The following UHRF1 variants were observed in gnomAD, a reference collection of about 807,000 sequenced individuals.
The protein encoded by UHRF1 is E3 ubiquitin-protein ligase UHRF1.
In UHRF1, 9 loss-of-function variants were observed where a neutral mutation model predicts 96.5. The ratio of observed to expected loss-of-function variants is 0.09; its 90% CI spans 0.06 to 0.16. The LOEUF (loss-of-function observed/expected upper bound fraction) is 0.16. Among genes scored for constraint, UHRF1 ranks in the 10% least tolerant of loss-of-function variants. The pLI is 1.00. For missense variants in UHRF1, 626 were observed against 1,131.1 expected (o/e 0.55, Z 6.40); for synonymous variants, 455 against 469.9 (o/e 0.97, Z 0.41).
chr19:4,926,298 C>T (rs1356411421), intron 2 of UHRF1, among the ~76,000 whole-genome samples: 1 of 152,162 alleles, frequency 6.6e-6, no homozygotes, highest in African/African-American at 2.4e-5. Flanking sequence ...GCCTCTTCCT[C>T]TCCATCCGTG....
chr19:4,905,770 G>T (rs533635061), upstream of UHRF1, among the ~76,000 whole-genome samples: 1 of 152,206 alleles, frequency 6.6e-6, no homozygotes, highest in Admixed American at 6.5e-5. Context: ...GCCTGCCTTG[G>T]CCTCCCAAAG....
At chr19:4,915,206 G>A (rs978147955) in intron 2 of UHRF1, among the ~76,000 whole-genome samples, 5 of 152,230 alleles carry the variant, frequency 3.3e-5, no homozygotes, top group South Asian at 2.1e-4. Flanking sequence ...CCCACTGGAC[G>A]GCCCCCTTGC....
chr19:4,946,944 C>G (rs925998672), intron 10 of UHRF1, among the ~76,000 whole-genome samples, 161 bp from the exon 11 acceptor site: 1 of 152,092 alleles, frequency 6.6e-6, no homozygotes, highest in Non-Finnish European at 1.5e-5. Context: ...GTAGTCCCAC[C>G]AACAGTTTAC....
intron 15 of UHRF1, among the ~76,000 whole-genome samples, chr19:4,956,088 C>A (rs903960075): frequency 1.3e-5 from 2 of 152,112 alleles, no homozygotes; most frequent in Non-Finnish European, 2.9e-5. Flanking sequence ...GCACCCACCA[C>A]GCCTGGCTAA....
chr19:4,947,519 T>TTTTTTTTTTTTTG (rs1568428019), intron 11 of UHRF1, among the ~76,000 whole-genome samples: 2 of 132,128 alleles, frequency 1.5e-5, no homozygotes, highest in African/African-American at 2.9e-5. Context: ...TTTTTTTTTT[T>TTTTTTTTTTTTTG]GGGCAGAGTC....
At chr19:4,911,088 CCT>C in intron 2 of UHRF1, 50 bp downstream of exon 2, 1 of 1,448,928 alleles carries the variant, frequency 6.9e-7, no homozygotes. Context: ...AGGCCTCGCG[CCT>C]CTGCAGCCAC....
intron 9 of UHRF1, 85 bp from the exon 10 acceptor site, chr19:4,945,776 T>TC: frequency 1.7e-6 from 2 of 1,177,672 alleles, no homozygotes; most frequent in South Asian, 1.3e-5. Flanking sequence ...CGCTGGCTGC[T>TC]CGGGGTAGGG....
In UHRF1 at chr19:4,929,183, T is replaced by C. The variant is rs765075456; in HGVS notation, c.154-39T>C. 3.8e-6 allele frequency: 6 copies of C among 1,587,222 alleles called. No homozygotes were observed. The East Asian group carries it at 1.3e-4, about 36-fold the overall frequency. On this transcript the variant is annotated intron_variant, in intron 2 of 16. Coordinates refer to ENST00000650932, the MANE Select transcript of UHRF1 (RefSeq NM_001048201.3). ...GTGCCCACAGATGCCCACTTGGCAT[T>C]TGGTGGCTAAACAGCGTCTGCCTCT...
Position 4,941,616 on chromosome 19 carries a change from A to G in UHRF1, c.874A>G (p.Asn292Asp), listed in dbSNP as rs767695275. The change falls in exon 6 of 17, where the codon AAC becomes GAC. Residue 292 changes from asparagine to aspartate, a missense_variant. Physicochemically the swap from Asn to Asp is conservative, Grantham distance 23 (BLOSUM62 1). Coordinates refer to ENST00000650932, the MANE Select transcript of UHRF1 (RefSeq NM_001048201.3). ...GGGTGAAGGGAGCCCCATGGTTGACAACCCCATGAGACGTGAGTTCTGAGC... is the reference window on the plus strand; with the variant it reads ...GGGTGAAGGGAGCCCCATGGTTGACGACCCCATGAGACGTGAGTTCTGAGC... ...RPGEGSPMVD[N>D]PMRRKSGPSC... The G allele has an allele frequency of 6.2e-7, 1 of 1,613,374 alleles. No individual in the cohort carries two copies.
intron 4 of UHRF1, among the ~76,000 whole-genome samples, chr19:4,931,224 A>G (rs2033041578): frequency 6.6e-6 from 1 of 152,134 alleles, no homozygotes; most frequent in Non-Finnish European, 1.5e-5. Flanking sequence ...TTTACTGGGC[A>G]CTTCCTACCT....
Position 4,930,608 on chromosome 19 carries a change from C to T in UHRF1, c.409-108C>T, listed in dbSNP as rs886691964. 13 of 1,363,588 alleles carry T rather than the reference C, an allele frequency of 9.5e-6. No individual in the cohort carries two copies. The highest frequency in any genetic ancestry group is 2.9e-5 in the African/African-American group (2 of 69,374). The allele number at this position is 1,363,588 out of a possible 1,614,324, so 84.5% of individuals were successfully genotyped here. A position where few individuals can be genotyped will look rare whatever the true frequency, so the allele number is the denominator to read the frequency against. The stretch of plus-strand genomic sequence containing the variant: ...GAGGAGAAACCTCGCTGTGGGCATT[C>T]GAGTTTGCGCCCTGGTTCCAGAGCA... On this transcript the variant is annotated intron_variant, in intron 3 of 16. Coordinates refer to ENST00000650932, the MANE Select transcript of UHRF1 (RefSeq NM_001048201.3). The surrounding 1 kb of genome is among the most constrained non-coding windows in gnomAD (Gnocchi z 4.4).
chr19:4,907,994 G>A (rs2032104830), upstream of UHRF1, among the ~76,000 whole-genome samples: 2 of 152,108 alleles, frequency 1.3e-5, no homozygotes, highest in Admixed American at 1.3e-4. Context: ...TTACAGGTGT[G>A]AGCCAACGCG....
intron 11 of UHRF1, among the ~76,000 whole-genome samples, chr19:4,948,318 G>A (rs935974863): frequency 6.6e-5 from 10 of 151,856 alleles, no homozygotes; most frequent in South Asian, 4.1e-4. Flanking sequence ...GGATGGGGGC[G>A]GACTTTTCCA....
At chr19:4,905,443 T>C (rs1478743065), upstream of UHRF1, among the ~76,000 whole-genome samples, 1 of 151,256 alleles carries the variant, frequency 6.6e-6, no homozygotes, top group Non-Finnish European at 1.5e-5. Context: ...TCTTAAAACA[T>C]TATGAGATTT....
chr19:4,942,605 C>T (rs1452510375), intron 7 of UHRF1, among the ~76,000 whole-genome samples: 10 of 152,078 alleles, frequency 6.6e-5, no homozygotes, highest in African/African-American at 1.9e-4. Context: ...CCTGCCACCA[C>T]ATCCGGCTAA....
chr19:4,944,157 G>T lies in UHRF1; in HGVS notation c.1099G>T (p.Ala367Ser), dbSNP rs1339084998. Reference protein sequence around the residue: ...EWYCPECRNDASEVVLAGERL... With the variant: ...EWYCPECRNDSSEVVLAGERL... ...GTACTGCCCTGAGTGCCGGAATGAT[G>T]CCAGCGAGGTGGTACTGGCGGGAGA... Residue 367 changes from alanine (A) to serine (S), a missense_variant, in exon 8 of 17, where the codon GCC (alanine) becomes TCC (serine). By Grantham distance (99) the Ala-to-Ser change is moderately conservative. This residue lies in a region of UHRF1 where 69 missense variants were observed against 159.8 expected (regional missense o/e 0.43). Coordinates refer to ENST00000650932, the MANE Select transcript of UHRF1 (RefSeq NM_001048201.3). The T allele has an allele frequency of 6.2e-7, 1 of 1,613,862 alleles. No individual in the cohort carries two copies. The highest frequency in any genetic ancestry group is 1.3e-5 in the African/African-American group (1 of 74,946).
chr19:4,941,970 C>T (rs1186726324), intron 7 of UHRF1, 39 bp downstream of exon 7: 1 of 1,442,736 alleles, frequency 6.9e-7, no homozygotes, highest in Admixed American at 2.9e-5. Flanking sequence ...GACCAGAGCG[C>T]CCCCTACAAA....
At chr19:4,956,949 C>T (rs2145221784) in intron 16 of UHRF1, 136 bp downstream of exon 16, 1 of 679,580 alleles carries the variant, frequency 1.5e-6, no homozygotes, top group South Asian at 1.7e-5. Flanking sequence ...TCTCGGGGCC[C>T]TGTTGACTGC....
At chr19:4,937,693 A>G (rs1171519456) in intron 5 of UHRF1, among the ~76,000 whole-genome samples, 1 of 152,170 alleles carries the variant, frequency 6.6e-6, no homozygotes, top group Non-Finnish European at 1.5e-5. Flanking sequence ...TAAGTTAATA[A>G]GAAACAGTGG....
Sources: allele counts gnomAD v4.1 joint callset (sites outside exome capture counted in the v4.1 genomes callset), GRCh38; gene constraint gnomAD v4.1.1; regional missense constraint gnomAD v4.1.1; non-coding constraint Gnocchi (gnomAD v3.1); transcripts MANE v1.5; gene names NCBI Gene and HGNC (gene_info 2026-07-23, HGNC 2026-07-21).